TXLNB: variants seen among roughly 807,000 people sequenced by gnomAD.
The protein encoded by TXLNB is beta-taxilin.
A neutral mutation model predicts 57.4 loss-of-function variants in TXLNB; 37 were observed. The ratio of observed to expected loss-of-function variants is 0.64; its 90% CI spans 0.50 to 0.85. The LOEUF (loss-of-function observed/expected upper bound fraction) is 0.85. TXLNB is among the 40% of genes least tolerant of loss of function. The pLI is 0.00. For synonymous variants in TXLNB, 302 were observed against 309.6 expected (o/e 0.98, Z 0.26); for missense variants, 848 against 825.6 (o/e 1.03, Z -0.33).
chr6:139,180,982 G>A, the TXLNB span, among the ~76,000 whole-genome samples: 4 of 152,136 alleles, frequency 2.6e-5, no homozygotes, highest in Non-Finnish European at 4.4e-5. Context: ...TGCTGCTTGC[G>A]TCATGTATCA....
chr6:139,288,174 G>C (rs542325504), intron 2 of TXLNB, among the ~76,000 whole-genome samples: 7 of 152,344 alleles, frequency 4.6e-5, no homozygotes, highest in Non-Finnish European at 7.3e-5. Flanking sequence ...AGTAATCTGA[G>C]ATAAAACTGG....
In TXLNB at chr6:139,240,278, T is replaced by C. The variant is rs1381450439; in HGVS notation, c.*2248A>G. 6.6e-6 allele frequency: 1 copy of C among 152,634 alleles called. No homozygotes were observed. The highest frequency in any genetic ancestry group is 1.5e-5 in the Non-Finnish European group (1 of 68,032). 9.5% of individuals were successfully genotyped at this position (152,634 alleles called of 1,614,324 possible). A position where few individuals can be genotyped will look rare whatever the true frequency, so the allele number is the denominator to read the frequency against. ...AACACAAAGGACTATAATAAAACAT[T>C]CTTTGAATATTAAAATAATTCCCCC... On this transcript the variant is annotated 3_prime_UTR_variant, in exon 10 of 10. Coordinates refer to ENST00000358430, the MANE Select transcript of TXLNB (RefSeq NM_153235.4).
At chr6:139,268,101 G>A (rs1396188981) in intron 4 of TXLNB, among the ~76,000 whole-genome samples, 1 of 136,670 alleles carries the variant, frequency 7.3e-6, no homozygotes, top group African/African-American at 2.8e-5. Flanking sequence ...AGTGAGCCGA[G>A]ATTGCACCAC....
the TXLNB span, chr6:139,166,638 A>G: frequency 6.2e-7 from 1 of 1,614,088 alleles, no homozygotes; most frequent in East Asian, 2.2e-5. Flanking sequence ...GGCTCCGAGA[A>G]GAACACAGGG....
chr6:139,244,332 C>A (rs1776022448), intron 9 of TXLNB, among the ~76,000 whole-genome samples: 1 of 152,188 alleles, frequency 6.6e-6, no homozygotes, highest in African/African-American at 2.4e-5. Flanking sequence ...TTAAAGGGGA[C>A]AGCTGCCCTG....
chr6:139,243,251 A>G lies in TXLNB; in HGVS notation c.1330T>C (p.Cys444Arg), dbSNP rs759472561. The G allele has an allele frequency of 6.2e-7, 1 of 1,613,924 alleles. No homozygotes were observed. Among genetic ancestry groups the G allele is most frequent in the East Asian group, 2.2e-5 (1 of 44,886 alleles). Residue 444 changes from cysteine to arginine, a missense_variant, in exon 10 of 10, where the codon TGC (cysteine) becomes CGC (arginine). By Grantham distance (180) the Cys-to-Arg change is radical. Coordinates refer to ENST00000358430, the MANE Select transcript of TXLNB (RefSeq NM_153235.4). ...VMKIGRLENL[C>R]RALQEERNEL... is the part of the protein sequence containing the mutation. ...TTTCTCTCTTCTTGTAAAGCACGGC[A>G]GAGGTTCTCTAGCCTCCCGATTTTC...
At chr6:139,238,301 C>T (rs1047901868), downstream of TXLNB, among the ~76,000 whole-genome samples, 3 of 151,968 alleles carry the variant, frequency 2.0e-5, no homozygotes, top group African/African-American at 4.8e-5. Flanking sequence ...GGCTGAGGCA[C>T]GAGACTGGCT....
chr6:139,311,793 G>C, the TXLNB span, among the ~76,000 whole-genome samples: 5 of 152,128 alleles, frequency 3.3e-5, no homozygotes, highest in East Asian at 9.6e-4. Flanking sequence ...CAACAGCAAA[G>C]TACCGTAGGC....
chr6:139,242,412 A>G lies in TXLNB; in HGVS notation c.*114T>C. 1 of 860,098 alleles carries G rather than the reference A, an allele frequency of 1.2e-6. No homozygotes were observed. The highest frequency in any genetic ancestry group is 1.6e-6 in the Non-Finnish European group (1 of 615,480). The allele number at this position is 860,098 out of a possible 1,614,324, so 53.3% of individuals were successfully genotyped here. On this transcript the variant is annotated 3_prime_UTR_variant, in exon 10 of 10. Transcript: ENST00000358430. ...CTGCCTAACATTAAAAAATGTCTTG[A>G]TCCTAAGTCTCTTCCATTTGACATC...
the TXLNB span, among the ~76,000 whole-genome samples, chr6:139,309,547 A>G: frequency 6.6e-6 from 1 of 152,206 alleles, no homozygotes; most frequent in Non-Finnish European, 1.5e-5. Context: ...TGTACAAAGA[A>G]AGTAGTCAAT....
chr6:139,167,835 G>A, the TXLNB span, among the ~76,000 whole-genome samples: 6 of 152,108 alleles, frequency 3.9e-5, no homozygotes, highest in Non-Finnish European at 5.9e-5. Context: ...ACATTAGCCC[G>A]GTGGTGGTGG....
chr6:139,250,357 C>CT (rs61441759), intron 7 of TXLNB, among the ~76,000 whole-genome samples: 10,938 of 118,814 alleles, frequency 0.092, 571 homozygotes, highest in Middle Eastern at 0.11. Context: ...TTCTTTCTTT[C>CT]TTTTTTTTTT....
chr6:139,248,070 C>T (rs927727216), intron 7 of TXLNB, among the ~76,000 whole-genome samples, 161 bp from the exon 8 acceptor site: 3 of 152,084 alleles, frequency 2.0e-5, no homozygotes. Flanking sequence ...TGAAATGCTT[C>T]TTTAAAGAAA....
the TXLNB span, among the ~76,000 whole-genome samples, chr6:139,192,984 A>C: frequency 1.4e-5 from 2 of 141,018 alleles, no homozygotes; most frequent in African/African-American, 2.6e-5. Flanking sequence ...ACAAAAAAAA[A>C]AAACAACAAA....
chr6:139,199,734 C>T, the TXLNB span: 4 of 152,326 alleles, frequency 2.6e-5, no homozygotes, highest in South Asian at 8.3e-4. Context: ...TTGATTGGTG[C>T]CTTTCTAGAG....
chr6:139,166,699 T>C, the TXLNB span: 1,066,519 of 1,611,354 alleles, frequency 0.66, 360,074 homozygotes, highest in African/African-American at 0.86. Context: ...GGCCCCCAAA[T>C]AAGCCCCAGA....
At chr6:139,185,557 C>T in the TXLNB span, among the ~76,000 whole-genome samples, 3 of 152,174 alleles carry the variant, frequency 2.0e-5, no homozygotes, top group Non-Finnish European at 4.4e-5. Context: ...AAAAATTAGC[C>T]GGACGTGGTG....
the TXLNB span, among the ~76,000 whole-genome samples, chr6:139,213,041 C>T: frequency 6.6e-6 from 1 of 152,188 alleles, no homozygotes; most frequent in Non-Finnish European, 1.5e-5. Context: ...GAGACTAACA[C>T]CCCACTGTCA....
At chr6:139,297,012 T>A in the TXLNB span, among the ~76,000 whole-genome samples, 2 of 152,198 alleles carry the variant, frequency 1.3e-5, no homozygotes, top group African/African-American at 4.8e-5. Flanking sequence ...CTCAAATTCC[T>A]TAGTCTTTCC....
Sources: gnomAD v4.1 joint callset for allele counts (sites outside exome capture counted in the v4.1 genomes callset) on GRCh38, gnomAD v4.1.1 for gene constraint, MANE v1.5 for transcripts, NCBI Gene and HGNC (gene_info 2026-07-23, HGNC 2026-07-21) for gene names.